The following LARGE1 variants were observed in gnomAD, a reference collection of about 807,000 sequenced individuals.
LARGE1 encodes xylosyl- and glucuronyltransferase LARGE1.
Under a neutral mutation model 87.6 loss-of-function variants are expected in LARGE1, and 43 were observed. The ratio of observed to expected loss-of-function variants is 0.49; its 90% confidence interval spans 0.38 to 0.63. LARGE1 has a LOEUF of 0.63. LARGE1 is among the 30% of genes least tolerant of loss of function. The probability of loss-of-function intolerance (pLI) is 0.00; values close to 1 mark genes in which losing one functional copy is unlikely to be tolerated. For synonymous variants in LARGE1, 434 were observed against 394.6 expected (o/e 1.10, Z -1.18); for missense variants, 802 against 1,000.2 (o/e 0.80, Z 2.67).
chr22:33,103,537 G>T, the LARGE1 span, among the ~76,000 whole-genome samples: 1 of 151,142 alleles, frequency 6.6e-6, no homozygotes, highest in Non-Finnish European at 1.5e-5. Context: ...GTTGGTCACT[G>T]AGGAAGGAGT....
intron 9 of LARGE1, among the ~76,000 whole-genome samples, chr22:33,342,134 C>T (rs1024777793): frequency 2.2e-4 from 34 of 152,170 alleles, no homozygotes; most frequent in African/African-American, 7.7e-4. Context: ...GATCCTGGGC[C>T]ATGCATTAAA....
At chr22:33,206,346 C>T (rs1169098326) in intron 11 of LARGE1, among the ~76,000 whole-genome samples, 1 of 152,166 alleles carries the variant, frequency 6.6e-6, no homozygotes, top group Non-Finnish European at 1.5e-5. Flanking sequence ...CCTGCCTCAG[C>T]CTCCCAAAGT....
chr22:33,601,221 G>C (rs186790784), intron 5 of LARGE1, among the ~76,000 whole-genome samples: 9 of 152,342 alleles, frequency 5.9e-5, no homozygotes, highest in Admixed American at 1.3e-4. Context: ...GGGGAGGAGA[G>C]GTGAGCAGTG....
intron 6 of LARGE1, among the ~76,000 whole-genome samples, chr22:33,521,259 T>C (rs775540330): frequency 5.9e-5 from 9 of 152,394 alleles, no homozygotes; most frequent in Admixed American, 1.3e-4. Context: ...AAAATGCAAG[T>C]AGGCAAGCTG....
rs1043645001 is a variant in LARGE1 at position 33,273,537 on chromosome 22, G to A, written c.*890C>T. ...GTCACTGCCAATAGAAAATGTGACC[G>A]GTGTAAAACAGCCAGCCCTCGTAAT... On this transcript the variant is annotated 3_prime_UTR_variant, in exon 15 of 15. Transcript: ENST00000397394. 46 of 398,608 alleles carry A rather than the reference G, an allele frequency of 1.2e-4. No individual in the cohort carries two copies. Among genetic ancestry groups the A allele is most frequent in the Non-Finnish European group, 1.8e-4 (41 of 226,180 alleles). 24.7% of individuals were successfully genotyped at this position (398,608 alleles called of 1,614,324 possible). A position where few individuals can be genotyped will look rare whatever the true frequency, so the allele number is the denominator to read the frequency against.
Position 33,821,385 on chromosome 22 carries a change from TA to T in LARGE1, c.-82-59828del, listed in dbSNP as rs1301406564. Among the ~76,000 whole-genome samples, 4 of 152,234 alleles carry T rather than the reference TA, an allele frequency of 2.6e-5. No homozygotes were observed. In the East Asian group the frequency reaches 7.7e-4, roughly 29 times the overall value. The stretch of plus-strand genomic sequence containing the variant: ...TGCCTGACACACAGCAAGCAAACAC[TA>T]GTTTACCTCCCCATCCTGAAATGAT... On this transcript the variant is annotated intron_variant, in intron 1 of 14. Coordinates refer to ENST00000397394, the MANE Select transcript of LARGE1 (RefSeq NM_133642.5).
In LARGE1 at chr22:33,821,453, C is replaced by A. The variant is rs560078680; in HGVS notation, c.-82-59895G>T. ...GAGGCCATGACTTACACTTCTCATT[C>A]TTTCCCCACCATGCCTTACAGATAT... On this transcript the variant is annotated intron_variant, in intron 1 of 14. Transcript: ENST00000397394. Among the ~76,000 whole-genome samples the A allele has an allele frequency of 2.6e-5, 4 of 152,344 alleles. No individual in the cohort carries two copies. The East Asian group carries it at 7.7e-4, about 29-fold the overall frequency.
intron 2 of LARGE1, among the ~76,000 whole-genome samples, chr22:33,686,174 A>C (rs2081937415): frequency 6.6e-6 from 1 of 152,172 alleles, no homozygotes; most frequent in Admixed American, 6.5e-5. Context: ...GGGCTCAGGC[A>C]AACAAGTGGC....
At chr22:33,119,434 C>G in the LARGE1 span, among the ~76,000 whole-genome samples, 1 of 152,100 alleles carries the variant, frequency 6.6e-6, no homozygotes, top group Non-Finnish European at 1.5e-5. Context: ...AAAGTGGCAT[C>G]TGGGTGAAAT....
chr22:33,115,346 A>C, the LARGE1 span, among the ~76,000 whole-genome samples: 1 of 152,090 alleles, frequency 6.6e-6, no homozygotes, highest in East Asian at 1.9e-4. Context: ...TGGGAGGATG[A>C]GGAGGATGGA....
At position 33,691,050 on chromosome 22, in the gene LARGE1, C is replaced by T. The variant is rs562132165; in HGVS notation, c.107-40382G>A. ...GCACCAGACCCCAAGTCCTCATCTC[C>T]AGGGGGACCCCAGGTTGACTGGGCA... On this transcript the variant is annotated intron_variant, in intron 2 of 14. Coordinates refer to ENST00000397394, the MANE Select transcript of LARGE1 (RefSeq NM_133642.5). Among the ~76,000 whole-genome samples the T allele has an allele frequency of 7.2e-5, 11 of 152,310 alleles. No individual in the cohort carries two copies. The East Asian group carries it at 1.2e-3, about 16-fold the overall frequency.
At chr22:33,394,702 C>CGTGTGTGTGTGTGTGTGTGTGT (rs59338001) in intron 7 of LARGE1, among the ~76,000 whole-genome samples, 2 of 142,338 alleles carry the variant, frequency 1.4e-5, no homozygotes, top group African/African-American at 2.6e-5. Flanking sequence ...CTCCTGGGAG[C>CGTGTGTGTGTGTGTGTGTGTGT]GTGTGTGTGT....
At chr22:33,172,052 C>T (rs935559153) in intron 11 of LARGE1, among the ~76,000 whole-genome samples, 7 of 152,206 alleles carry the variant, frequency 4.6e-5, no homozygotes, top group African/African-American at 1.7e-4. Flanking sequence ...ATCAGCCTGC[C>T]CTGGATGTGA....
At chr22:33,702,530 C>T (rs2082432051) in intron 2 of LARGE1, among the ~76,000 whole-genome samples, 1 of 152,160 alleles carries the variant, frequency 6.6e-6, no homozygotes, top group South Asian at 2.1e-4. Context: ...GGGAATTAGA[C>T]AGTCGAAGGG....
At chr22:33,312,900 G>C (rs535771339) in intron 11 of LARGE1, among the ~76,000 whole-genome samples, 1 of 152,344 alleles carries the variant, frequency 6.6e-6, no homozygotes, top group African/African-American at 2.4e-5. Context: ...ACTTTGTGGT[G>C]AGGTGGCTTC....
intron 2 of LARGE1, among the ~76,000 whole-genome samples, chr22:33,672,214 C>T (rs541180142): frequency 3.3e-4 from 50 of 152,306 alleles, no homozygotes; most frequent in African/African-American, 1.0e-3. Flanking sequence ...GTGTCTCTCA[C>T]GCTCTTTCTT....
At chr22:33,565,691 C>T (rs1316423830) in intron 5 of LARGE1, among the ~76,000 whole-genome samples, 1 of 152,208 alleles carries the variant, frequency 6.6e-6, no homozygotes, top group African/African-American at 2.4e-5. Flanking sequence ...CTAGTCATCA[C>T]GCGACACTCT....
At chr22:33,691,952 G>C (rs1329568492) in intron 2 of LARGE1, among the ~76,000 whole-genome samples, 4 of 152,144 alleles carry the variant, frequency 2.6e-5, no homozygotes, top group Non-Finnish European at 5.9e-5. Context: ...TTAGAGAAAA[G>C]TATCTCCCTC....
At chr22:33,250,635 T>C (rs778543695) in intron 11 of LARGE1, among the ~76,000 whole-genome samples, 6 of 152,222 alleles carry the variant, frequency 3.9e-5, no homozygotes, top group Non-Finnish European at 5.9e-5. Context: ...TGATATTAGC[T>C]GTAGGTTTTT....
Sources: allele counts gnomAD v4.1 joint callset (sites outside exome capture counted in the v4.1 genomes callset), GRCh38; gene constraint gnomAD v4.1.1; transcripts MANE v1.5; gene names NCBI Gene and HGNC (gene_info 2026-07-23, HGNC 2026-07-21).